HPN: variants seen among roughly 807,000 people sequenced by gnomAD.
HPN encodes hepsin, also known as serine protease hepsin.
A neutral mutation model predicts 55.9 loss-of-function variants in HPN; 13 were observed. The ratio of observed to expected loss-of-function variants is 0.23; its 90% CI spans 0.15 to 0.37. The LOEUF (loss-of-function observed/expected upper bound fraction) is 0.37. Ranked by LOEUF, HPN falls within the 10% of genes least tolerant of loss-of-function variation. The pLI is 1.00. For synonymous variants in HPN, 225 were observed against 240.3 expected (o/e 0.94, Z 0.59); for missense variants, 451 against 575.8 (o/e 0.78, Z 2.22).
At chr19:35,059,182 A>T (rs763653050) in intron 4 of HPN, 3 of 295,974 alleles carry the variant, frequency 1.0e-5, no homozygotes, top group Admixed American at 4.8e-5. Context: ...GCAGAGTGCC[A>T]TGGTGCTCTG....
chr19:35,058,326 C>T (rs1163764491), intron 4 of HPN, among the ~76,000 whole-genome samples: 1 of 149,068 alleles, frequency 6.7e-6, no homozygotes, highest in Non-Finnish European at 1.5e-5. Flanking sequence ...ATTACAGGCA[C>T]CTGCCATCAT....
At chr19:35,059,496 C>T (rs1314479473) in intron 4 of HPN, 177 bp from the exon 5 acceptor site, 3 of 813,070 alleles carry the variant, frequency 3.7e-6, no homozygotes, top group Non-Finnish European at 6.1e-6. Flanking sequence ...AAAAAAAAGT[C>T]CTTGAGTCAT....
At chr19:35,052,834 C>T (rs1334728251) in intron 4 of HPN, among the ~76,000 whole-genome samples, 2 of 152,132 alleles carry the variant, frequency 1.3e-5, no homozygotes, top group Non-Finnish European at 2.9e-5. Flanking sequence ...TATGAGTGCA[C>T]CCAAAGCCAA....
intron 2 of HPN, among the ~76,000 whole-genome samples, chr19:35,045,737 C>G (rs2064335700): frequency 6.6e-6 from 1 of 150,736 alleles, no homozygotes; most frequent in African/African-American, 2.5e-5. Flanking sequence ...CCAGTAGAGA[C>G]ACGCAGGGAG....
chr19:35,065,130 T>C, intron 9 of HPN, 120 bp from the exon 10 acceptor site: 4 of 544,040 alleles, frequency 7.4e-6, no homozygotes, highest in Middle Eastern at 4.7e-4. Flanking sequence ...CCTATTGTGG[T>C]TTTTTTTTTA....
intron 2 of HPN, among the ~76,000 whole-genome samples, chr19:35,046,008 G>A (rs1322356910): frequency 6.6e-6 from 1 of 152,224 alleles, no homozygotes; most frequent in African/African-American, 2.4e-5. Flanking sequence ...ATGGCCTAGA[G>A]CCCTGGCAGG....
chr19:35,048,005 A>G (rs1367533560), intron 2 of HPN, among the ~76,000 whole-genome samples: 1 of 121,694 alleles, frequency 8.2e-6, no homozygotes, highest in Non-Finnish European at 1.8e-5. Flanking sequence ...AAAAAAAAAG[A>G]AAAAGAAAGA....
chr19:35,048,205 G>A (rs1179579815), intron 2 of HPN, among the ~76,000 whole-genome samples: 3 of 152,272 alleles, frequency 2.0e-5, no homozygotes, highest in Non-Finnish European at 2.9e-5. Flanking sequence ...CTATGTGCCA[G>A]GCACTTCCGC....
At chr19:35,053,801 A>C (rs1413274980) in intron 4 of HPN, among the ~76,000 whole-genome samples, 2 of 151,114 alleles carry the variant, frequency 1.3e-5, no homozygotes, top group Non-Finnish European at 2.9e-5. Context: ...TCCCCGCCCC[A>C]GTTGGTGTTT....
chr19:35,046,457 C>A (rs1444525484), intron 2 of HPN, among the ~76,000 whole-genome samples: 1 of 152,066 alleles, frequency 6.6e-6, no homozygotes, highest in East Asian at 1.9e-4. Flanking sequence ...GTTGGCCAGG[C>A]TGGTCTTGAG....
Position 35,065,536 on chromosome 19 carries a change from C to T in HPN, c.908-3C>T, listed in dbSNP as rs539694071. ...CTGGCCAGCCTTGCCTGCACACCCCCAGGCCAACAGGCCGGGGTACTCCAG... is the reference window on the plus strand; with the variant it reads ...CTGGCCAGCCTTGCCTGCACACCCCTAGGCCAACAGGCCGGGGTACTCCAG... On this transcript the variant is annotated splice_polypyrimidine_tract_variant and splice_region_variant and intron_variant, in intron 10 of 12. Coordinates refer to ENST00000672452, the MANE Select transcript of HPN (RefSeq NM_001384133.1). 9.3e-6 allele frequency: 15 copies of T among 1,613,848 alleles called. No homozygotes were observed. The South Asian group carries it at 1.5e-4, about 17-fold the overall frequency.
chr19:35,051,793 C>T (rs1287043418), intron 4 of HPN, among the ~76,000 whole-genome samples: 1 of 152,172 alleles, frequency 6.6e-6, no homozygotes, highest in East Asian at 1.9e-4. Flanking sequence ...AGGGCTGTTA[C>T]ATCCCAACAT....
intron 9 of HPN, among the ~76,000 whole-genome samples, chr19:35,063,580 G>A (rs926004203): frequency 1.3e-5 from 2 of 152,186 alleles, no homozygotes; most frequent in African/African-American, 4.8e-5. Context: ...GTAGTGGCAG[G>A]CACCTGTAGT....
chr19:35,044,575 A>T (rs751568648), intron 2 of HPN, among the ~76,000 whole-genome samples: 12 of 152,024 alleles, frequency 7.9e-5, no homozygotes, highest in Non-Finnish European at 1.8e-4. Context: ...CTCTTGTCTA[A>T]CTTGTATTTT....
At chr19:35,060,860 CAGG>C (rs773699175) in intron 9 of HPN, 43 bp downstream of exon 9, 2 of 1,502,598 alleles carry the variant, frequency 1.3e-6, no homozygotes, top group African/African-American at 2.8e-5. Context: ...GACCCGAGGC[CAGG>C]AGGACAGAGG....
intron 2 of HPN, among the ~76,000 whole-genome samples, chr19:35,045,022 C>G (rs535681803): frequency 6.6e-6 from 1 of 151,808 alleles, no homozygotes; most frequent in Non-Finnish European, 1.5e-5. Flanking sequence ...GAGACAGGAC[C>G]GGGAGGAAGA....
rs1170619128 is a variant in HPN, at chr19:35,066,512, C to T, written c.*225C>T. 8 of 583,648 alleles carry T rather than the reference C, an allele frequency of 1.4e-5. No homozygotes were observed. In the Admixed American group the frequency reaches 2.5e-4, roughly 18 times the overall value. 36.2% of individuals were successfully genotyped at this position (583,648 alleles called of 1,614,324 possible). On this transcript the variant is annotated 3_prime_UTR_variant, in exon 13 of 13. Transcript: ENST00000672452. ...GTAAATATTGTTCTGCTGTCTGGGA[C>T]TCCTGTCTAGGTGCCCCTGATGACG...
chr19:35,063,694 G>C (rs1200106573), intron 9 of HPN, among the ~76,000 whole-genome samples: 1 of 152,228 alleles, frequency 6.6e-6, no homozygotes, highest in Non-Finnish European at 1.5e-5. Context: ...AGTGAAAAGA[G>C]TGAGAGAGTT....
At chr19:35,058,611 A>ATATTATATTATAATAATATAT (rs2064485983) in intron 4 of HPN, among the ~76,000 whole-genome samples, 1 of 145,552 alleles carries the variant, frequency 6.9e-6, no homozygotes, top group Admixed American at 6.9e-5. Flanking sequence ...CAATATATTA[A>ATATTATATTATAATAATATAT]TATTATATTA....
Sources: allele counts gnomAD v4.1 joint callset (sites outside exome capture counted in the v4.1 genomes callset), GRCh38; gene constraint gnomAD v4.1.1; transcripts MANE v1.5; gene names NCBI Gene and HGNC (gene_info 2026-07-23, HGNC 2026-07-21).